Variants in THOC1 observed in about 807,000 individuals in gnomAD.
THOC1 encodes the protein THO complex 1.
In THOC1, 29 loss-of-function variants were observed where a neutral mutation model predicts 97.3. The observed-to-expected ratio is 0.30, with a 90% CI of 0.22 to 0.41. THOC1 has a LOEUF of 0.41. Ranked by LOEUF, THOC1 falls within the 10% of genes least tolerant of loss-of-function variation. The pLI, the probability that THOC1 is intolerant of heterozygous loss-of-function variation, is 1.00. For missense variants in THOC1, 529 were observed against 761.9 expected (o/e 0.69, Z 3.60); for synonymous variants, 255 against 257.0 (o/e 0.99, Z 0.07).
At chr18:261,696 C>T (rs947735599) in intron 4 of THOC1, among the ~76,000 whole-genome samples, 1 of 152,224 alleles carries the variant, frequency 6.6e-6, no homozygotes, top group African/African-American at 2.4e-5. Flanking sequence ...ATTATATACC[C>T]TGCACATCCA....
chr18:224,494 G>A (rs751565230), intron 15 of THOC1, among the ~76,000 whole-genome samples: 23 of 151,276 alleles, frequency 1.5e-4, no homozygotes, highest in Non-Finnish European at 2.8e-4. Context: ...CATGAGAATC[G>A]CTTGAACCCA....
intron 11 of THOC1, among the ~76,000 whole-genome samples, chr18:235,104 A>G (rs1460592305): frequency 2.2e-5 from 3 of 135,396 alleles, no homozygotes; most frequent in African/African-American, 5.6e-5. Context: ...TTTTTTTGAG[A>G]GTCTATTTCG....
chr18:215,315 T>C (rs1910838323), intron 20 of THOC1, 114 bp downstream of exon 20: 1 of 777,676 alleles, frequency 1.3e-6, no homozygotes, highest in Admixed American at 2.5e-5. Flanking sequence ...TCAGAAACAG[T>C]TGAGATAAAA....
chr18:216,396 T>C, intron 19 of THOC1, 90 bp downstream of exon 19: 1 of 1,411,562 alleles, frequency 7.1e-7, no homozygotes, highest in Non-Finnish European at 9.6e-7. Flanking sequence ...GTTTTTCACA[T>C]GATTAAGTCA....
intron 11 of THOC1, among the ~76,000 whole-genome samples, chr18:237,915 A>G (rs558994043): frequency 2.0e-5 from 3 of 152,122 alleles, no homozygotes; most frequent in South Asian, 4.2e-4. Flanking sequence ...TGCCCAGGCT[A>G]GAGTGCAGCG....
intron 11 of THOC1, among the ~76,000 whole-genome samples, chr18:238,148 G>T (rs889377640): frequency 1.3e-5 from 2 of 152,102 alleles, no homozygotes; most frequent in Admixed American, 6.5e-5. Flanking sequence ...TTACAGGTGT[G>T]AGCCACTGCA....
intron 7 of THOC1, among the ~76,000 whole-genome samples, 181 bp downstream of exon 7, chr18:258,999 T>C (rs180915398): frequency 7.2e-5 from 11 of 152,256 alleles, no homozygotes; most frequent in Non-Finnish European, 1.2e-4. Flanking sequence ...TGTTTCAGGA[T>C]TACCTGTATT....
intron 11 of THOC1, among the ~76,000 whole-genome samples, chr18:228,662 C>A (rs1911380252): frequency 6.6e-6 from 1 of 152,206 alleles, no homozygotes; most frequent in Non-Finnish European, 1.5e-5. Flanking sequence ...AACTTCAACA[C>A]ACTTGTCCCA....
At chr18:257,178 G>A (rs1416354827) in intron 7 of THOC1, among the ~76,000 whole-genome samples, 1 of 152,038 alleles carries the variant, frequency 6.6e-6, no homozygotes, top group Non-Finnish European at 1.5e-5. Flanking sequence ...TGGTGGTCTG[G>A]AACAAAACCC....
At chr18:235,972 G>A (rs187815979) in intron 11 of THOC1, among the ~76,000 whole-genome samples, 38 of 152,180 alleles carry the variant, frequency 2.5e-4, no homozygotes, top group African/African-American at 8.9e-4. Context: ...GTAAGTTTTT[G>A]CTTAATATAT....
chr18:255,142 C>T (rs1257469542), intron 7 of THOC1, among the ~76,000 whole-genome samples: 2 of 152,160 alleles, frequency 1.3e-5, no homozygotes, highest in African/African-American at 2.4e-5. Flanking sequence ...TTCCCTGAGA[C>T]GAGACAATAT....
At chr18:220,737 T>A (rs1412974328) in intron 17 of THOC1, among the ~76,000 whole-genome samples, 4 of 151,650 alleles carry the variant, frequency 2.6e-5, no homozygotes, top group African/African-American at 9.7e-5. Context: ...GTTGATTCAC[T>A]CTCACAGATT....
chr18:216,283 G>T, intron 19 of THOC1: 1 of 609,728 alleles, frequency 1.6e-6, no homozygotes, highest in Non-Finnish European at 2.8e-6. Context: ...ATGCTGTACA[G>T]AAAATTATCA....
chr18:240,581 G>A (rs923044002), intron 11 of THOC1, among the ~76,000 whole-genome samples: 1 of 152,086 alleles, frequency 6.6e-6, no homozygotes, highest in African/African-American at 2.4e-5. Flanking sequence ...TTTACAGGAC[G>A]AGTGAAAGCA....
At chr18:221,770 G>GCCCA (rs1911095303) in intron 17 of THOC1, among the ~76,000 whole-genome samples, 1 of 151,902 alleles carries the variant, frequency 6.6e-6, no homozygotes, top group African/African-American at 2.4e-5. Flanking sequence ...CACCACACTT[G>GCCCA]GCTAATTTTT....
At chr18:241,446 C>T (rs1005678108) in intron 11 of THOC1, among the ~76,000 whole-genome samples, 1 of 152,122 alleles carries the variant, frequency 6.6e-6, no homozygotes, top group Non-Finnish European at 1.5e-5. Context: ...AGAGACCAAG[C>T]AAAATTGTGA....
intron 7 of THOC1, among the ~76,000 whole-genome samples, chr18:257,669 A>G (rs1278518271): frequency 6.6e-6 from 1 of 152,220 alleles, no homozygotes; most frequent in African/African-American, 2.4e-5. Context: ...GCAAGATACC[A>G]TGAGTGAGAA....
At chr18:251,373 G>GA (rs969120228) in intron 9 of THOC1, among the ~76,000 whole-genome samples, 9 of 152,178 alleles carry the variant, frequency 5.9e-5, no homozygotes, top group Non-Finnish European at 1.3e-4. Context: ...GACAGTAATG[G>GA]AAATTCTTTC....
chr18:223,982 AAC>A, intron 16 of THOC1, 100 bp downstream of exon 16: 1 of 886,084 alleles, frequency 1.1e-6, no homozygotes, highest in Non-Finnish European at 1.8e-6. Flanking sequence ...GTGTGTACCA[AAC>A]ACAATCTCAT....
Sources: allele counts gnomAD v4.1 joint callset (sites outside exome capture counted in the v4.1 genomes callset), GRCh38; gene constraint gnomAD v4.1.1; transcripts MANE v1.5; gene names NCBI Gene and HGNC (gene_info 2026-07-23, HGNC 2026-07-21).